Variants in ASTN1 observed in about 807,000 individuals in gnomAD.
ASTN1 encodes astrotactin 1, also known as astrotactin-1.
In ASTN1, 41 loss-of-function variants were observed where a neutral mutation model predicts 140.7. The ratio of observed to expected loss-of-function variants is 0.29; its 90% CI spans 0.23 to 0.38. The LOEUF (loss-of-function observed/expected upper bound fraction) is 0.38. ASTN1 is among the 10% of genes least tolerant of loss of function. ASTN1 has a pLI of 1.00. For synonymous variants in ASTN1, 640 were observed against 652.2 expected (o/e 0.98, Z 0.29); for missense variants, 1,479 against 1,678.8 (o/e 0.88, Z 2.08).
In ASTN1 at chr1:176,917,961, C is replaced by A. The variant is rs563314540; in HGVS notation, c.2671+16191G>T. On this transcript the variant is annotated intron_variant, in intron 16 of 22. Coordinates refer to ENST00000361833, the MANE Select transcript of ASTN1 (RefSeq NM_004319.3). ...ATTTTAAACTCCTGCATATCTATTT[C>A]CATCATCATTATTTCTCAGAGCTTT... Among the ~76,000 whole-genome samples the A allele has an allele frequency of 5.9e-5, 9 of 152,240 alleles. No individual in the cohort carries two copies. In the East Asian group the frequency reaches 1.5e-3, roughly 26 times the overall value.
intron 8 of ASTN1, among the ~76,000 whole-genome samples, chr1:176,967,185 A>G (rs1359906939): frequency 1.3e-5 from 2 of 152,328 alleles, no homozygotes; most frequent in Non-Finnish European, 2.9e-5. Flanking sequence ...AATTGGCTCC[A>G]TAAAGTATCC....
intron 16 of ASTN1, among the ~76,000 whole-genome samples, chr1:176,914,740 T>C (rs546447436): frequency 2.0e-5 from 3 of 152,310 alleles, no homozygotes; most frequent in African/African-American, 7.2e-5. Flanking sequence ...CAAAAGGCTG[T>C]AACAACAATG....
At chr1:177,161,050 C>T (rs889098605) in intron 1 of ASTN1, among the ~76,000 whole-genome samples, 2 of 152,316 alleles carry the variant, frequency 1.3e-5, no homozygotes, top group Admixed American at 6.5e-5. Context: ...CCTTGAATCA[C>T]AATTTGCAAA....
In ASTN1 at chr1:176,862,311, G is replaced by A. The variant is rs1667996167; in HGVS notation, c.*1973C>T. On this transcript the variant is annotated 3_prime_UTR_variant, in exon 23 of 23. Transcript: ENST00000361833. ...AGAGAGGAGAGTGAAACCACCCTGT[G>A]CTTTATCTCAGCCTCATCACAGGCT... 3 of 985,360 alleles carry A rather than the reference G, an allele frequency of 3.0e-6. No homozygotes were observed. The African/African-American group carries it at 5.2e-5, about 17-fold the overall frequency. 61.0% of individuals were successfully genotyped at this position (985,360 alleles called of 1,614,324 possible).
intron 1 of ASTN1, among the ~76,000 whole-genome samples, chr1:177,149,137 T>C (rs1279221160): frequency 7.7e-6 from 1 of 129,394 alleles, no homozygotes; most frequent in Non-Finnish European, 1.6e-5. Context: ...ATATAGTGCA[T>C]ATATATAGTG....
At chr1:176,869,130 T>C in intron 21 of ASTN1, 103 bp from the exon 22 acceptor site, 2 of 764,202 alleles carry the variant, frequency 2.6e-6, no homozygotes, top group East Asian at 3.2e-5. Flanking sequence ...ATATCACATA[T>C]AAACATATGT....
intron 16 of ASTN1, among the ~76,000 whole-genome samples, chr1:176,897,920 C>T (rs1669591325): frequency 6.6e-6 from 1 of 152,174 alleles, no homozygotes; most frequent in South Asian, 2.1e-4. Context: ...CCCACGCCCC[C>T]TCCTCTCATT....
chr1:176,884,073 C>G (rs1668923880), intron 19 of ASTN1, among the ~76,000 whole-genome samples: 1 of 152,144 alleles, frequency 6.6e-6, no homozygotes, highest in African/African-American at 2.4e-5. Context: ...ATGAAATGGA[C>G]ACCTCTTTTA....
intron 1 of ASTN1, 83 bp downstream of exon 1, chr1:177,164,311 G>A (rs1647573262): frequency 4.4e-6 from 6 of 1,376,708 alleles, no homozygotes; most frequent in Non-Finnish European, 5.8e-6. Flanking sequence ...TCGTCGGCGA[G>A]TGGGTGTGTA....
chr1:177,139,679 C>T (rs186780928), intron 1 of ASTN1, among the ~76,000 whole-genome samples: 14 of 152,232 alleles, frequency 9.2e-5, no homozygotes, highest in African/African-American at 2.9e-4. Context: ...GTGGAAGACT[C>T]AAAGTGTTCA....
chr1:176,958,564 T>G, intron 9 of ASTN1, 82 bp from the exon 10 acceptor site: 1 of 1,461,940 alleles, frequency 6.8e-7, no homozygotes, highest in South Asian at 1.4e-5. Context: ...CCATTACCAG[T>G]GCTTTCTTCT....
In ASTN1 at chr1:176,888,148, G is replaced by C; in HGVS notation, c.2997C>G (p.Ile999Met). 1 of 1,614,118 alleles carries C rather than the reference G, an allele frequency of 6.2e-7. No homozygotes were observed. The change falls in exon 18 of 23, where the codon ATC (isoleucine) becomes ATG (methionine). Residue 999 changes from isoleucine (I) to methionine (M), a missense_variant. Ile to Met is a conservative substitution (Grantham distance 10). Transcript: ENST00000361833. ...TGGAGTCACATCGACACCAGTCCTC[G>C]ATGACATCTCCAGTCCCTGAGCACC... ...SLWCSGTGDV[I>M]EDWCRCDSTA...
intron 1 of ASTN1, among the ~76,000 whole-genome samples, chr1:177,070,608 G>A (rs1402349228): frequency 1.3e-5 from 2 of 151,924 alleles, no homozygotes; most frequent in African/African-American, 2.4e-5. Flanking sequence ...CTGCTAAGAA[G>A]CCCTTTCAGT....
chr1:176,983,138 G>T (rs955918896), intron 8 of ASTN1, among the ~76,000 whole-genome samples: 3 of 152,180 alleles, frequency 2.0e-5, no homozygotes, highest in African/African-American at 7.2e-5. Flanking sequence ...TGAAGAATGT[G>T]TGAGAACATG....
chr1:176,999,424 T>C (rs1325194278), intron 8 of ASTN1, among the ~76,000 whole-genome samples: 11 of 152,238 alleles, frequency 7.2e-5, no homozygotes, highest in Non-Finnish European at 1.5e-5. Flanking sequence ...ATGCCCCTTC[T>C]GGTCCAGACA....
Position 177,007,057 on chromosome 1 carries a change from C to A in ASTN1, c.1523+7734G>T, listed in dbSNP as rs187543423. On this transcript the variant is annotated intron_variant, in intron 8 of 22. Transcript: ENST00000361833. ...TGAAGCTTGACTACCAGCTATGTGA[C>A]CTTGGGCAAGTTACTTTACCTCTCT... Among the ~76,000 whole-genome samples, 8 of 152,278 alleles carry A rather than the reference C, an allele frequency of 5.3e-5. No homozygotes were observed. The East Asian group carries it at 1.2e-3, about 22-fold the overall frequency.
intron 1 of ASTN1, among the ~76,000 whole-genome samples, chr1:177,095,995 G>C (rs900238500): frequency 2.0e-5 from 3 of 152,192 alleles, no homozygotes; most frequent in Admixed American, 1.3e-4. Context: ...GACTATTCTG[G>C]AGACTTAATG....
At position 177,029,113 on chromosome 1, in the gene ASTN1, C is replaced by A. The variant is rs184273165; in HGVS notation, c.1120+521G>T. On this transcript the variant is annotated intron_variant, in intron 5 of 22. Coordinates refer to ENST00000361833, the MANE Select transcript of ASTN1 (RefSeq NM_004319.3). ...AACCCTGCCAGGGGAAAGGAAGGAACTGGGAGGCTCGGGGTCCTGTGATTC... is the reference window on the plus strand; with the variant it reads ...AACCCTGCCAGGGGAAAGGAAGGAAATGGGAGGCTCGGGGTCCTGTGATTC... Among the ~76,000 whole-genome samples, 9 of 152,268 alleles carry A rather than the reference C, an allele frequency of 5.9e-5. No individual in the cohort carries two copies. The East Asian group carries it at 1.7e-3, about 29-fold the overall frequency.
intron 12 of ASTN1, among the ~76,000 whole-genome samples, chr1:176,947,875 T>C (rs1321432677): frequency 1.3e-5 from 2 of 152,178 alleles, no homozygotes; most frequent in East Asian, 3.9e-4. Flanking sequence ...GCAAAGTAGG[T>C]GCTCAAATAT....
Sources: allele counts gnomAD v4.1 joint callset (sites outside exome capture counted in the v4.1 genomes callset), GRCh38; gene constraint gnomAD v4.1.1; transcripts MANE v1.5; gene names NCBI Gene and HGNC (gene_info 2026-07-23, HGNC 2026-07-21).